Variants in ADGRG6 observed in about 807,000 individuals in gnomAD.
ADGRG6 encodes the protein G-protein coupled receptor 126.
ADGRG6 carries 84 observed loss-of-function variants against 142.4 expected under a neutral mutation model. That is an observed-to-expected ratio of 0.59 (90% CI 0.49 to 0.71). ADGRG6 has a LOEUF of 0.71. Ranked by LOEUF, ADGRG6 falls within the 30% of genes least tolerant of loss-of-function variation. ADGRG6 has a pLI of 0.00. For missense variants in ADGRG6, 1,367 were observed against 1,466.6 expected (o/e 0.93, Z 1.11); for synonymous variants, 521 against 520.5 (o/e 1.00, Z -0.01).
At chr6:142,370,881 A>G (rs2114870347) in intron 4 of ADGRG6, 88 bp downstream of exon 4, 1 of 1,257,212 alleles carries the variant, frequency 8.0e-7, no homozygotes, top group Non-Finnish European at 1.1e-6. Context: ...CATACACACA[A>G]ATGTACCTGT....
At chr6:142,316,320 G>A (rs1007753774) in intron 2 of ADGRG6, among the ~76,000 whole-genome samples, 1 of 152,074 alleles carries the variant, frequency 6.6e-6, no homozygotes, top group Non-Finnish European at 1.5e-5. Flanking sequence ...CTCAGAAGAT[G>A]GATTGTGTCA....
At chr6:142,393,763 A>G in intron 8 of ADGRG6, 133 bp from the exon 9 acceptor site, 4 of 612,356 alleles carry the variant, frequency 6.5e-6, no homozygotes, top group Non-Finnish European at 1.2e-5. Flanking sequence ...AAGAAGCTAG[A>G]ACCTCAGGAC....
intron 4 of ADGRG6, chr6:142,371,045 T>A (rs1021030881): frequency 3.1e-5 from 13 of 419,022 alleles, no homozygotes; most frequent in African/African-American, 2.2e-4. Context: ...TTCTTAAGTT[T>A]TCCCTATGTC....
At chr6:142,414,900 TC>T in intron 18 of ADGRG6, 68 bp from the exon 19 acceptor site, 1 of 1,406,554 alleles carries the variant, frequency 7.1e-7, no homozygotes, top group Middle Eastern at 1.8e-4. Flanking sequence ...CAGTGAACTT[TC>T]TAGTGAAACA....
intron 4 of ADGRG6, among the ~76,000 whole-genome samples, chr6:142,375,325 T>C (rs1364088853): frequency 6.6e-6 from 1 of 152,150 alleles, no homozygotes; most frequent in East Asian, 1.9e-4. Context: ...TATATTTGAG[T>C]CTTTCTAACT....
chr6:142,390,386 A>G, intron 7 of ADGRG6, 43 bp downstream of exon 7: 4 of 1,090,422 alleles, frequency 3.7e-6, no homozygotes, highest in Non-Finnish European at 5.5e-6. Flanking sequence ...AAATTCTTTA[A>G]CTTCTGGGAA....
At chr6:142,318,292 T>C (rs1306342198) in intron 2 of ADGRG6, among the ~76,000 whole-genome samples, 15 of 82,018 alleles carry the variant, frequency 1.8e-4, no homozygotes, top group African/African-American at 7.7e-4. Flanking sequence ...TATATTTATA[T>C]ATTATATATA....
chr6:142,400,673 T>A (rs1583096083), intron 11 of ADGRG6, 77 bp downstream of exon 11: 1 of 739,086 alleles, frequency 1.4e-6, no homozygotes, highest in East Asian at 2.6e-5. Context: ...AGCACGGTAG[T>A]TCTTAGGCAT....
At chr6:142,364,302 G>A (rs113156757) in intron 2 of ADGRG6, among the ~76,000 whole-genome samples, 39 of 152,196 alleles carry the variant, frequency 2.6e-4, no homozygotes, top group African/African-American at 2.6e-4. Context: ...TTATTTAGTA[G>A]CACTATCTCT....
chr6:142,392,927 CT>C lies in ADGRG6; in HGVS notation c.1309-17del. 2 of 1,568,196 alleles carry C rather than the reference CT, an allele frequency of 1.3e-6. No homozygotes were observed. The highest frequency in any genetic ancestry group is 3.4e-5 in the Admixed American group (2 of 58,854). ...TTTAAAGGTATTAGCAAAACTCAGCCTTTTCCATTGTGTTTTCCAGCTCAAT... is the reference window on the plus strand; with the variant it reads ...TTTAAAGGTATTAGCAAAACTCAGCCTTTCCATTGTGTTTTCCAGCTCAAT... On this transcript the variant is annotated intron_variant, in intron 7 of 24. Coordinates refer to ENST00000367609, the MANE Select transcript of ADGRG6 (RefSeq NM_198569.3).
chr6:142,351,765 A>G (rs1446683900), intron 2 of ADGRG6, among the ~76,000 whole-genome samples: 1 of 152,204 alleles, frequency 6.6e-6, no homozygotes, highest in Non-Finnish European at 1.5e-5. Flanking sequence ...CAGACAGCCT[A>G]CAGAAGGGAG....
intron 2 of ADGRG6, among the ~76,000 whole-genome samples, chr6:142,357,344 T>C (rs1338536925): frequency 1.3e-5 from 2 of 152,130 alleles, no homozygotes; most frequent in Non-Finnish European, 2.9e-5. Flanking sequence ...ATTCCAGTGA[T>C]GAGTTAATTT....
intron 9 of ADGRG6, 42 bp downstream of exon 9, chr6:142,394,000 C>T: frequency 2.5e-6 from 3 of 1,187,014 alleles, no homozygotes; most frequent in Non-Finnish European, 2.5e-6. Flanking sequence ...CATTCTTTCT[C>T]TTGCTCACTA....
rs540081373 is a variant in ADGRG6, at chr6:142,317,790, A to AT, written c.103+8146_103+8147insT. 9.2e-3 allele frequency among the ~76,000 whole-genome samples: 825 copies of AT among 90,008 alleles called. 15 individuals carry two copies. Among genetic ancestry groups the AT allele is most frequent in the East Asian group, 0.051 (197 of 3,896 alleles). The allele number at this position is 90,008 out of a possible 152,430, so 59.0% of individuals were successfully genotyped here. A position where few individuals can be genotyped will look rare whatever the true frequency, so the allele number is the denominator to read the frequency against. On this transcript the variant is annotated intron_variant, in intron 2 of 24. Transcript: ENST00000367609. ...ATTTATATCATATATATTTATATAT[A>AT]ATATATATATTATATATATTTATAT...
rs953541127 is a variant in ADGRG6 at position 142,303,679 on chromosome 6, C to A, written c.2+1348C>A. ...AGTAATATGAGCTTGTTTTCAACTTCAGTTTTTCTTGAAAATATACTAGGG... is the reference window on the plus strand; with the variant it reads ...AGTAATATGAGCTTGTTTTCAACTTAAGTTTTTCTTGAAAATATACTAGGG... On this transcript the variant is annotated intron_variant, in intron 1 of 24. Coordinates refer to ENST00000367609, the MANE Select transcript of ADGRG6 (RefSeq NM_198569.3). Among the ~76,000 whole-genome samples, 6 of 152,134 alleles carry A rather than the reference C, an allele frequency of 3.9e-5. No individual in the cohort carries two copies. In the East Asian group the frequency reaches 1.2e-3, roughly 29 times the overall value.
In ADGRG6 at chr6:142,302,715, G is replaced by A. The variant is rs1223775446; in HGVS notation, c.2+384G>A. 3 of 248,868 alleles carry A rather than the reference G, an allele frequency of 1.2e-5. No homozygotes were observed. The Admixed American group carries it at 1.6e-4, about 13-fold the overall frequency. 15.4% of individuals were successfully genotyped at this position (248,868 alleles called of 1,614,324 possible). On this transcript the variant is annotated intron_variant, in intron 1 of 24. Coordinates refer to ENST00000367609, the MANE Select transcript of ADGRG6 (RefSeq NM_198569.3). Reference sequence around the variant, plus strand: ...GGCCCTGCCAAGAAGGCGCTCTCCGGAATCAACACCTGGGGGCTTGGAAGG... The same window carrying A: ...GGCCCTGCCAAGAAGGCGCTCTCCGAAATCAACACCTGGGGGCTTGGAAGG...
chr6:142,393,049 A>T (rs764535148), intron 8 of ADGRG6, 49 bp downstream of exon 8: 1 of 994,266 alleles, frequency 1.0e-6, no homozygotes, highest in South Asian at 1.3e-5. Flanking sequence ...GTCTAATTTA[A>T]TGCTACTATT....
chr6:142,392,466 T>C (rs1202622506), intron 7 of ADGRG6, among the ~76,000 whole-genome samples: 2 of 151,962 alleles, frequency 1.3e-5, no homozygotes, highest in Non-Finnish European at 2.9e-5. Flanking sequence ...ATTACTAATA[T>C]TGTGAGATGG....
At chr6:142,412,366 G>A (rs969578045) in intron 18 of ADGRG6, among the ~76,000 whole-genome samples, 15 of 152,266 alleles carry the variant, frequency 9.9e-5, no homozygotes, top group Admixed American at 3.9e-4. Context: ...AATCACAGAC[G>A]TCAGGTTTTG....
Sources: allele counts gnomAD v4.1 joint callset (sites outside exome capture counted in the v4.1 genomes callset), GRCh38; gene constraint gnomAD v4.1.1; transcripts MANE v1.5; gene names NCBI Gene and HGNC (gene_info 2026-07-23, HGNC 2026-07-21).